The following CDO1 variants were observed in gnomAD, a reference collection of about 807,000 sequenced individuals.
The protein encoded by CDO1 is cysteine dioxygenase type 1, also known as cysteine dioxygenase, type I.
A neutral mutation model predicts 24.5 loss-of-function variants in CDO1; 19 were observed. The ratio of observed to expected loss-of-function variants is 0.77; its 90% CI spans 0.54 to 1.14. The LOEUF is 1.14. Ranked by LOEUF, CDO1 falls within the 50% of genes most tolerant of loss-of-function variation. The pLI is 0.00. For synonymous variants in CDO1, 91 were observed against 87.0 expected (o/e 1.05, Z -0.26); for missense variants, 244 against 244.8 (o/e 1.00, Z 0.02).
intron 3 of CDO1, among the ~76,000 whole-genome samples, chr5:115,808,644 G>C (rs1446312689): frequency 6.6e-6 from 1 of 152,088 alleles, no homozygotes; most frequent in Admixed American, 6.6e-5. Flanking sequence ...CCCTGGCCTA[G>C]AGATCAACGA....
intron 1 of CDO1, among the ~76,000 whole-genome samples, chr5:115,816,012 G>A (rs1760421167): frequency 6.6e-6 from 1 of 152,220 alleles, no homozygotes; most frequent in South Asian, 2.1e-4. Context: ...CCGGAGGTCA[G>A]CAAGGCCAGT....
In CDO1 at chr5:115,816,283, C is replaced by T. The variant is rs1760441366; in HGVS notation, c.115G>A (p.Ala39Thr). Residue 39 changes from alanine to threonine, a missense_variant, in exon 1 of 5, where the codon GCC becomes ACC. Coordinates refer to ENST00000250535, the MANE Select transcript of CDO1 (RefSeq NM_001801.3). ...NVEEVQAIME[A>T]YESDPTEWAM... ...CACTCGGTGGGGTCGCTCTCGTAGG[C>T]TTCCATGATGGCCTGCACCTCCTCT... 1 of 1,614,182 alleles carries T rather than the reference C, an allele frequency of 6.2e-7. No individual in the cohort carries two copies. Among genetic ancestry groups the T allele is most frequent in the Non-Finnish European group, 8.5e-7 (1 of 1,180,030 alleles).
intron 3 of CDO1, among the ~76,000 whole-genome samples, chr5:115,809,372 A>G (rs1760088646): frequency 6.6e-6 from 1 of 152,096 alleles, no homozygotes; most frequent in Admixed American, 6.6e-5. Flanking sequence ...GCTCATTACA[A>G]TAGGCAACTT....
At chr5:115,805,577 G>T (rs1759911184) in intron 4 of CDO1, 115 bp from the exon 5 acceptor site, 1 of 855,846 alleles carries the variant, frequency 1.2e-6, no homozygotes, top group Non-Finnish European at 1.9e-6. Flanking sequence ...AAGGGCAAGG[G>T]AGCCTTGTTG....
intron 3 of CDO1, among the ~76,000 whole-genome samples, chr5:115,807,581 G>A (rs536360434): frequency 1.3e-5 from 2 of 151,298 alleles, no homozygotes; most frequent in East Asian, 3.9e-4. Context: ...AAAACAAAAA[G>A]AGGTTGAAGA....
chr5:115,812,584 T>C (rs989732066), intron 2 of CDO1, among the ~76,000 whole-genome samples: 2 of 152,084 alleles, frequency 1.3e-5, no homozygotes, highest in Non-Finnish European at 2.9e-5. Flanking sequence ...TCACATAAAG[T>C]TTTACTGCAC....
At chr5:115,808,273 C>T (rs1760038086) in intron 3 of CDO1, among the ~76,000 whole-genome samples, 1 of 152,072 alleles carries the variant, frequency 6.6e-6, no homozygotes, top group Non-Finnish European at 1.5e-5. Flanking sequence ...GTCACCACAC[C>T]CGGCCAGCCC....
intron 1 of CDO1, 39 bp downstream of exon 1, chr5:115,816,189 A>T: frequency 6.3e-7 from 1 of 1,586,464 alleles, no homozygotes; most frequent in Non-Finnish European, 8.6e-7. Flanking sequence ...AGACGGGGCG[A>T]GTGGGCGCCG....
At position 115,804,898 on chromosome 5, in the gene CDO1, G is replaced by C. The variant is rs1340242459; in HGVS notation, c.*535C>G. 1 of 152,218 alleles carries C rather than the reference G, an allele frequency of 6.6e-6. No individual in the cohort carries two copies. The highest frequency in any genetic ancestry group is 1.5e-5 in the Non-Finnish European group (1 of 68,062). The allele number at this position is 152,218 out of a possible 1,614,324, so 9.4% of individuals were successfully genotyped here. A position where few individuals can be genotyped will look rare whatever the true frequency, so the allele number is the denominator to read the frequency against. On this transcript the variant is annotated 3_prime_UTR_variant, in exon 5 of 5. Transcript: ENST00000250535. ...CACTTCCTTTCATTAACAAATGGCA[G>C]AGTGCCGTAAGTTCCTCTATTATTC...
chr5:115,815,309 C>T (rs769465353), intron 1 of CDO1, among the ~76,000 whole-genome samples: 45 of 152,100 alleles, frequency 3.0e-4, no homozygotes, highest in East Asian at 5.8e-4. Context: ...TACCTCTGGC[C>T]CCGGAGGATT....
chr5:115,806,197 A>G, intron 4 of CDO1, 152 bp downstream of exon 4: 1 of 464,442 alleles, frequency 2.2e-6, no homozygotes, highest in Non-Finnish European at 3.7e-6. Flanking sequence ...GTTTTTAAAA[A>G]TAAATTGAAA....
intron 2 of CDO1, among the ~76,000 whole-genome samples, chr5:115,811,697 T>G (rs912436845): frequency 6.6e-6 from 1 of 152,184 alleles, no homozygotes; most frequent in Non-Finnish European, 1.5e-5. Context: ...AGAGAAATTT[T>G]AGAAAGGATT....
intron 3 of CDO1, among the ~76,000 whole-genome samples, chr5:115,809,456 C>G (rs969258953): frequency 6.6e-6 from 1 of 152,096 alleles, no homozygotes; most frequent in African/African-American, 2.4e-5. Flanking sequence ...CAAGATATTC[C>G]CAATTATAAC....
chr5:115,806,226 A>C (rs1759938630), intron 4 of CDO1, 123 bp downstream of exon 4: 1 of 516,016 alleles, frequency 1.9e-6, no homozygotes, highest in African/African-American at 2.0e-5. Flanking sequence ...GCTAAAGTTA[A>C]ATAAAACAAT....
chr5:115,812,605 G>T (rs915377032), intron 2 of CDO1, among the ~76,000 whole-genome samples: 1 of 152,196 alleles, frequency 6.6e-6, no homozygotes, highest in African/African-American at 2.4e-5. Flanking sequence ...AGAAAACAGA[G>T]TATGGTTAAC....
At position 115,806,468 on chromosome 5, in the gene CDO1, C is replaced by G; in HGVS notation, c.454G>C (p.Val152Leu). 1 of 1,611,338 alleles carries G rather than the reference C, an allele frequency of 6.2e-7. No individual in the cohort carries two copies. The change falls in exon 4 of 5, where the codon GTG becomes CTG. Residue 152 changes from valine (V) to leucine (L), a missense_variant. Coordinates refer to ENST00000250535, the MANE Select transcript of CDO1 (RefSeq NM_001801.3). ...VENISHTEPA[V>L]SLHLYSPPFD... ...GGTGGACTGTACAAGTGAAGGCTCA[C>G]AGCAGGTTCCGTATGGCTGATGTTC...
At chr5:115,811,355 T>C (rs1760182581) in intron 2 of CDO1, 40 bp from the exon 3 acceptor site, 1 of 1,527,604 alleles carries the variant, frequency 6.5e-7, no homozygotes, top group East Asian at 2.3e-5. Flanking sequence ...CAGTAGATGG[T>C]CTAGTATCCA....
At chr5:115,813,615 T>G (rs1412522609) in intron 1 of CDO1, among the ~76,000 whole-genome samples, 1 of 140,074 alleles carries the variant, frequency 7.1e-6, no homozygotes, top group Non-Finnish European at 1.5e-5. Flanking sequence ...GCAAGAATGT[T>G]GCTATTGTTT....
intron 2 of CDO1, among the ~76,000 whole-genome samples, chr5:115,811,640 A>C (rs895384978): frequency 6.6e-6 from 1 of 152,216 alleles, no homozygotes; most frequent in African/African-American, 2.4e-5. Context: ...CCCCAAATAC[A>C]TATAACTCAC....
Sources: gnomAD v4.1 joint callset for allele counts (sites outside exome capture counted in the v4.1 genomes callset) on GRCh38, gnomAD v4.1.1 for gene constraint, MANE v1.5 for transcripts, NCBI Gene and HGNC (gene_info 2026-07-23, HGNC 2026-07-21) for gene names.